The following GRM7 variants were observed in gnomAD, a reference collection of about 807,000 sequenced individuals.
GRM7 encodes metabotropic glutamate receptor 7.
In GRM7, 35 loss-of-function variants were observed where a neutral mutation model predicts 84.5. That is an observed-to-expected ratio of 0.41 (90% CI 0.32 to 0.55). The LOEUF is 0.55. Among genes scored for constraint, GRM7 ranks in the 20% least tolerant of loss-of-function variants. The pLI is 0.19. For missense variants in GRM7, 1,003 were observed against 1,194.6 expected (o/e 0.84, Z 2.36); for synonymous variants, 487 against 455.1 (o/e 1.07, Z -0.89).
At chr3:7,615,851 G>A (rs1697054526) in intron 8 of GRM7, among the ~76,000 whole-genome samples, 1 of 151,964 alleles carries the variant, frequency 6.6e-6, no homozygotes, top group Non-Finnish European at 1.5e-5. Context: ...ATGCCTTGAA[G>A]AAGGTTTTAT....
chr3:7,604,032 G>GACTT (rs1696445863), intron 8 of GRM7, among the ~76,000 whole-genome samples: 1 of 151,776 alleles, frequency 6.6e-6, no homozygotes, highest in African/African-American at 2.4e-5. Flanking sequence ...CTATAGACAG[G>GACTT]ACTTATTTTT....
At chr3:7,571,361 C>T (rs1195138797) in intron 7 of GRM7, among the ~76,000 whole-genome samples, 1 of 152,160 alleles carries the variant, frequency 6.6e-6, no homozygotes, top group Non-Finnish European at 1.5e-5. Context: ...GCACCCAAGT[C>T]ACCTCTTAAA....
intron 6 of GRM7, 62 bp from the exon 7 acceptor site, chr3:7,461,521 T>C (rs1375100587): frequency 8.0e-6 from 11 of 1,366,812 alleles, no homozygotes; most frequent in Non-Finnish European, 1.1e-5. Context: ...TCACCCATAG[T>C]ACAAGAGATA....
chr3:6,871,842 C>T (rs1042775764), intron 1 of GRM7, among the ~76,000 whole-genome samples: 17 of 151,996 alleles, frequency 1.1e-4, no homozygotes, highest in African/African-American at 3.1e-4. Flanking sequence ...AATATAGCTT[C>T]TGAAGAACGG....
intron 8 of GRM7, among the ~76,000 whole-genome samples, chr3:7,654,070 T>G (rs570364170): frequency 2.8e-5 from 4 of 144,838 alleles, no homozygotes; most frequent in African/African-American, 1.0e-4. Context: ...ATAGCTGTCC[T>G]ACCTTAGGTT....
intron 1 of GRM7, among the ~76,000 whole-genome samples, chr3:7,044,444 T>C (rs541285378): frequency 6.6e-6 from 1 of 152,196 alleles, no homozygotes; most frequent in Non-Finnish European, 1.5e-5. Flanking sequence ...ATCATTGAGA[T>C]AATTTTTACA....
At chr3:7,594,467 T>A in intron 8 of GRM7, among the ~76,000 whole-genome samples, 1 of 152,070 alleles carries the variant, frequency 6.6e-6, no homozygotes, top group East Asian at 1.9e-4. Context: ...GACATAATAT[T>A]TTTGGTTAAC....
chr3:7,459,067 A>G (rs1698135607), intron 6 of GRM7, among the ~76,000 whole-genome samples: 1 of 152,186 alleles, frequency 6.6e-6, no homozygotes, highest in African/African-American at 2.4e-5. Flanking sequence ...TACACACAGC[A>G]GGCTTAAGAG....
chr3:7,159,897 G>A (rs1406593733), intron 2 of GRM7, among the ~76,000 whole-genome samples: 4 of 152,086 alleles, frequency 2.6e-5, no homozygotes, highest in African/African-American at 9.7e-5. Context: ...TATTTAAAGT[G>A]CTTAAGCTTT....
Position 7,207,843 on chromosome 3 carries a change from C to G in GRM7, c.736+61175C>G, listed in dbSNP as rs950680949. On this transcript the variant is annotated intron_variant, in intron 2 of 9. Transcript: ENST00000357716. ...TCATACTGGTTTTGCTACATCTGTTCAAAAGCAAAATGAAAATGGCACATT... is the reference window on the plus strand; with the variant it reads ...TCATACTGGTTTTGCTACATCTGTTGAAAAGCAAAATGAAAATGGCACATT... 9.9e-5 allele frequency among the ~76,000 whole-genome samples: 15 copies of G among 152,252 alleles called. No individual in the cohort carries two copies. The East Asian group carries it at 2.9e-3, about 29-fold the overall frequency.
At chr3:7,515,644 C>T (rs138600824) in intron 7 of GRM7, among the ~76,000 whole-genome samples, 88 of 152,220 alleles carry the variant, frequency 5.8e-4, no homozygotes, top group Non-Finnish European at 1.1e-3. Flanking sequence ...AATCTCATAG[C>T]GCTATTAGGG....
intron 1 of GRM7, among the ~76,000 whole-genome samples, chr3:7,091,200 C>T (rs1224793743): frequency 7.1e-6 from 1 of 139,872 alleles, no homozygotes; most frequent in South Asian, 2.3e-4. Flanking sequence ...GTAGGCCTGG[C>T]AGTGAAGTAC....
chr3:7,592,338 C>A (rs1191119416), intron 8 of GRM7, among the ~76,000 whole-genome samples: 2 of 152,010 alleles, frequency 1.3e-5, no homozygotes, highest in Non-Finnish European at 2.9e-5. Context: ...CAGAGCAGGG[C>A]TCACTGAGAA....
chr3:7,401,777 A>T (rs1209953829), intron 4 of GRM7, among the ~76,000 whole-genome samples: 6 of 152,118 alleles, frequency 3.9e-5, no homozygotes, highest in Admixed American at 3.9e-4. Context: ...TGAAAATTAT[A>T]TGTGTATGTC....
At position 7,106,924 on chromosome 3, in the gene GRM7, C is replaced by T. The variant is rs116510932; in HGVS notation, c.520-39528C>T. Among the ~76,000 whole-genome samples the T allele has an allele frequency of 4.5e-3, 683 of 152,154 alleles. 2 individuals are homozygous for T. Among genetic ancestry groups the T allele is most frequent in the Non-Finnish European group, 7.7e-3 (523 of 67,950 alleles). On this transcript the variant is annotated intron_variant, in intron 1 of 9. Transcript: ENST00000357716. Reference sequence around the variant, plus strand: ...AGAATAAATCATGCCATTCACTACACAAATGTATTGAGTGCATAGTGCTGT... The same window carrying T: ...AGAATAAATCATGCCATTCACTACATAAATGTATTGAGTGCATAGTGCTGT...
chr3:7,454,351 A>G (rs555125619), intron 6 of GRM7, among the ~76,000 whole-genome samples: 1 of 152,242 alleles, frequency 6.6e-6, no homozygotes, highest in Non-Finnish European at 1.5e-5. Flanking sequence ...AATAGTCTCA[A>G]CTCTTACAAC....
intron 7 of GRM7, among the ~76,000 whole-genome samples, chr3:7,543,011 G>A (rs929459188): frequency 6.6e-6 from 1 of 152,216 alleles, no homozygotes; most frequent in Admixed American, 6.5e-5. Context: ...CACAATTGCA[G>A]CACAGTGCTT....
chr3:7,394,843 T>C (rs570862811), intron 4 of GRM7, among the ~76,000 whole-genome samples: 4 of 152,124 alleles, frequency 2.6e-5, no homozygotes, highest in African/African-American at 9.6e-5. Flanking sequence ...TTCAAGACCA[T>C]TCTGACCAAT....
At chr3:6,866,650 A>T (rs1694947145) in intron 1 of GRM7, among the ~76,000 whole-genome samples, 1 of 152,204 alleles carries the variant, frequency 6.6e-6, no homozygotes, top group Admixed American at 6.5e-5. Flanking sequence ...CAAGGCAGGG[A>T]GTGAGAACTG....
Sources: allele counts gnomAD v4.1 joint callset (sites outside exome capture counted in the v4.1 genomes callset), GRCh38; gene constraint gnomAD v4.1.1; transcripts MANE v1.5; gene names NCBI Gene and HGNC (gene_info 2026-07-23, HGNC 2026-07-21).